Variants in ELOC observed in about 807,000 individuals in gnomAD.
ELOC encodes the protein elongin-C.
For missense variants in ELOC, 38 were observed against 139.0 expected, an observed-to-expected ratio of 0.27 and a Z score of 3.65; for synonymous variants, 40 against 51.3, an observed-to-expected ratio of 0.78 and a Z score of 0.94.
At chr8:73,962,959 G>A (rs1364109335) in intron 1 of ELOC, among the ~76,000 whole-genome samples, 2 of 152,154 alleles carry the variant, frequency 1.3e-5, no homozygotes, top group Non-Finnish European at 2.9e-5. Context: ...ATAAGTTTGA[G>A]GAGACAAAAA....
chr8:73,967,809 C>G (rs2131189813), intron 1 of ELOC, among the ~76,000 whole-genome samples: 1 of 152,344 alleles, frequency 6.6e-6, no homozygotes, highest in East Asian at 1.9e-4. Flanking sequence ...CTTTGAATTT[C>G]TGTCCAACTA....
rs1055513028 is a variant in ELOC, at chr8:73,956,342, G to A, written c.5-288C>T. On this transcript the variant is annotated intron_variant, in intron 2 of 3. Coordinates refer to ENST00000520242, the MANE Select transcript of ELOC (RefSeq NM_005648.4). ...GGAGGCTGCAGTGAGCCGAGATCAC[G>A]CCACTGTAGTCCAGCCTGGATGACA... 7.2e-5 allele frequency among the ~76,000 whole-genome samples: 11 copies of A among 152,074 alleles called. No homozygotes were observed. In the South Asian group the frequency reaches 8.3e-4, roughly 11 times the overall value.
chr8:73,953,070 C>T (rs536719715), intron 3 of ELOC, among the ~76,000 whole-genome samples: 41 of 151,726 alleles, frequency 2.7e-4, no homozygotes, highest in Admixed American at 2.3e-3. Flanking sequence ...TTTGCGAGGC[C>T]GAGGTGGGCT....
chr8:73,968,528 A>C (rs771455633), intron 1 of ELOC, among the ~76,000 whole-genome samples: 2 of 152,268 alleles, frequency 1.3e-5, no homozygotes, highest in Admixed American at 1.3e-4. Flanking sequence ...TAGATTCTAC[A>C]TATTAACAGA....
At chr8:73,956,787 C>T (rs1814218033) in intron 2 of ELOC, among the ~76,000 whole-genome samples, 1 of 152,162 alleles carries the variant, frequency 6.6e-6, no homozygotes, top group African/African-American at 2.4e-5. Flanking sequence ...TTTGACAAGT[C>T]CTAAGTTCTA....
Position 73,945,540 on chromosome 8 carries a change from A to G in ELOC, c.*1090T>C, listed in dbSNP as rs952703497. 6.6e-6 allele frequency: 1 copy of G among 152,208 alleles called. No homozygotes were observed. The highest frequency in any genetic ancestry group is 2.1e-4 in the South Asian group (1 of 4,836). 9.4% of individuals were successfully genotyped at this position (152,208 alleles called of 1,614,324 possible). Reference sequence around the variant, plus strand: ...ATCTCCAGTGCTTCTTTCCCCATGCATAAGGAATGATGCTGTCATATTTTT... The same window carrying G: ...ATCTCCAGTGCTTCTTTCCCCATGCGTAAGGAATGATGCTGTCATATTTTT... On this transcript the variant is annotated 3_prime_UTR_variant, in exon 4 of 4. Coordinates refer to ENST00000520242, the MANE Select transcript of ELOC (RefSeq NM_005648.4).
At chr8:73,950,732 G>A (rs1813699093) in intron 3 of ELOC, among the ~76,000 whole-genome samples, 1 of 152,156 alleles carries the variant, frequency 6.6e-6, no homozygotes, top group African/African-American at 2.4e-5. Flanking sequence ...TTAGAAAAAT[G>A]TATCAGAGTC....
intron 2 of ELOC, among the ~76,000 whole-genome samples, chr8:73,956,819 C>T (rs1814220194): frequency 6.6e-6 from 1 of 152,162 alleles, no homozygotes; most frequent in Non-Finnish European, 1.5e-5. Context: ...TTCTTTTACT[C>T]AGCATTTCAC....
At chr8:73,969,194 T>A (rs1046714582) in intron 1 of ELOC, among the ~76,000 whole-genome samples, 1 of 152,238 alleles carries the variant, frequency 6.6e-6, no homozygotes, top group African/African-American at 2.4e-5. Context: ...ATATAGAACT[T>A]CTGATTTATC....
At chr8:73,957,992 T>C (rs1449133875) in intron 2 of ELOC, among the ~76,000 whole-genome samples, 1 of 151,946 alleles carries the variant, frequency 6.6e-6, no homozygotes, top group African/African-American at 2.4e-5. Flanking sequence ...GGTCAGGATG[T>C]CTCGAACTCC....
intron 3 of ELOC, among the ~76,000 whole-genome samples, chr8:73,955,149 A>T (rs1033439601): frequency 5.9e-5 from 9 of 151,874 alleles, no homozygotes; most frequent in Admixed American, 3.3e-4. Flanking sequence ...GCAGAAATCA[A>T]TTTTTTTTCC....
intron 3 of ELOC, among the ~76,000 whole-genome samples, chr8:73,950,188 C>T (rs1813652542): frequency 6.6e-6 from 1 of 152,140 alleles, no homozygotes; most frequent in African/African-American, 2.4e-5. Context: ...CTATTCAAGA[C>T]TAACGGAGCC....
intron 2 of ELOC, among the ~76,000 whole-genome samples, chr8:73,956,529 ATC>A (rs1486099669): frequency 1.3e-5 from 2 of 152,242 alleles, no homozygotes; most frequent in African/African-American, 4.8e-5. Flanking sequence ...ATACTTCTCT[ATC>A]AACATCTTCC....
intron 2 of ELOC, among the ~76,000 whole-genome samples, chr8:73,958,097 T>C (rs973614104): frequency 7.3e-5 from 11 of 150,260 alleles, no homozygotes; most frequent in African/African-American, 2.7e-4. Flanking sequence ...TTATGGTTTT[T>C]TTTTTTTTTT....
Position 73,946,704 on chromosome 8 carries a change from C to T in ELOC, c.265G>A (p.Glu89Lys), listed in dbSNP as rs1371211651. 2 of 1,613,150 alleles carry T rather than the reference C, an allele frequency of 1.2e-6. No homozygotes were observed. The highest frequency in any genetic ancestry group is 1.7e-5 in the Admixed American group (1 of 59,930). ...GGTGCAATTGGGAATTCAGGAATCT[C>T]GGTGGAGCTGTTAGTGTAGCGAACC... ...YKVRYTNSST[E>K]IPEFPIAPEI... is the part of the protein sequence containing the mutation. Residue 89 changes from glutamate (E) to lysine (K), a missense_variant, in exon 4 of 4, where the codon GAG becomes AAG. Transcript: ENST00000520242.
rs749137048 is a variant in ELOC at position 73,956,097 on chromosome 8, T to C, written c.5-43A>G. The C allele has an allele frequency of 5.0e-6, 8 of 1,591,624 alleles. No individual in the cohort carries two copies. In the African/African-American group the frequency reaches 9.4e-5, roughly 19 times the overall value. Reference sequence around the variant, plus strand: ...GTGAAACAATTTTTGAGTCACACAGTGTACTAAAACTAAACAGGTTTGGCT... The same window carrying C: ...GTGAAACAATTTTTGAGTCACACAGCGTACTAAAACTAAACAGGTTTGGCT... On this transcript the variant is annotated intron_variant, in intron 2 of 3. Coordinates refer to ENST00000520242, the MANE Select transcript of ELOC (RefSeq NM_005648.4).
chr8:73,954,631 G>A (rs1156702443), intron 3 of ELOC, among the ~76,000 whole-genome samples: 7 of 149,726 alleles, frequency 4.7e-5, no homozygotes, highest in South Asian at 4.3e-4. Context: ...CAGCCTGGGC[G>A]GCAGAGCAAG....
At position 73,959,806 on chromosome 8, in the gene ELOC, CT is replaced by C; in HGVS notation, c.-39del. On this transcript the variant is annotated 5_prime_UTR_variant, in exon 2 of 4. Transcript: ENST00000520242. ...AAATTCTACTTTGCTTCCCCAGGAACTTTAGTAGTTTCCTGAAAATATAACA... is the reference window on the plus strand; with the variant it reads ...AAATTCTACTTTGCTTCCCCAGGAACTTAGTAGTTTCCTGAAAATATAACA... 1 of 1,527,474 alleles carries C rather than the reference CT, an allele frequency of 6.5e-7. No homozygotes were observed. The highest frequency in any genetic ancestry group is 8.8e-7 in the Non-Finnish European group (1 of 1,136,230). The allele number at this position is 1,527,474 out of a possible 1,614,324, so 94.6% of individuals were successfully genotyped here. A position where few individuals can be genotyped will look rare whatever the true frequency, so the allele number is the denominator to read the frequency against.
At position 73,972,148 on chromosome 8, in the gene ELOC, C is replaced by G. The variant is rs192421176; in HGVS notation, c.-122G>C. 17 of 152,610 alleles carry G rather than the reference C, an allele frequency of 1.1e-4. No homozygotes were observed. The highest frequency in any genetic ancestry group is 2.1e-4 in the South Asian group (1 of 4,840). 9.5% of individuals were successfully genotyped at this position (152,610 alleles called of 1,614,324 possible). The stretch of plus-strand genomic sequence containing the variant: ...AGCCCCTATCCCAGGGCCGCCCCCC[C>G]ACCCCCAGCTGCCTGCTCCGGTGGG... On this transcript the variant is annotated 5_prime_UTR_variant, in exon 1 of 4. Coordinates refer to ENST00000520242, the MANE Select transcript of ELOC (RefSeq NM_005648.4).
Sources: allele counts gnomAD v4.1 joint callset (sites outside exome capture counted in the v4.1 genomes callset), GRCh38; gene constraint gnomAD v4.1.1; transcripts MANE v1.5; gene names NCBI Gene and HGNC (gene_info 2026-07-23, HGNC 2026-07-21).